Variants in USP20 observed in about 807,000 individuals in gnomAD.
The protein encoded by USP20 is ubiquitin carboxyl-terminal hydrolase 20.
USP20 carries 80 observed loss-of-function variants against 124.2 expected under a neutral mutation model. That is an observed-to-expected ratio of 0.64 (90% CI 0.54 to 0.78). The LOEUF (loss-of-function observed/expected upper bound fraction) is 0.78. USP20 is among the 30% of genes least tolerant of loss of function. The pLI, the probability that USP20 is intolerant of heterozygous loss-of-function variation, is 0.00. For synonymous variants in USP20, 481 were observed against 512.3 expected, an observed-to-expected ratio of 0.94 and a Z score of 0.83; for missense variants, 1,043 against 1,244.4, an observed-to-expected ratio of 0.84 and a Z score of 2.44.
chr9:129,838,545 T>G (rs10481650), intron 1 of USP20, among the ~76,000 whole-genome samples: 151,889 of 152,286 alleles, frequency 1, 75,746 homozygotes, highest in Middle Eastern at 1. Context: ...CAACCCAGTA[T>G]GGCTTTTACA....
intron 5 of USP20, 150 bp from the exon 6 acceptor site, chr9:129,858,317 G>T (rs982050852): frequency 8.1e-7 from 1 of 1,236,080 alleles, no homozygotes; most frequent in Non-Finnish European, 1.2e-6. Flanking sequence ...TCAGGGTCCT[G>T]ACTGGGGGTG....
At chr9:129,843,291 G>A (rs920804151) in intron 1 of USP20, among the ~76,000 whole-genome samples, 7 of 152,072 alleles carry the variant, frequency 4.6e-5, no homozygotes, top group African/African-American at 1.7e-4. Context: ...TTATGTGGGT[G>A]TGATGGTGGA....
chr9:129,861,674 C>T lies in USP20; in HGVS notation c.497+62C>T, dbSNP rs1588266971. 2.0e-6 allele frequency: 3 copies of T among 1,520,622 alleles called. No individual in the cohort carries two copies. In the East Asian group the frequency reaches 6.9e-5, roughly 35 times the overall value. 94.2% of individuals were successfully genotyped at this position (1,520,622 alleles called of 1,614,324 possible). On this transcript the variant is annotated intron_variant, in intron 8 of 25. Transcript: ENST00000372429. Reference sequence around the variant, plus strand: ...CCTGGCAAAGCCCCGGAAACAGCAGCAGTAGCAGCCCCCAGCCGGTTGCCC... The same window carrying T: ...CCTGGCAAAGCCCCGGAAACAGCAGTAGTAGCAGCCCCCAGCCGGTTGCCC...
Position 129,874,773 on chromosome 9 carries a change from C to T in USP20, c.1921+17C>T. On this transcript the variant is annotated intron_variant, in intron 18 of 25. Coordinates refer to ENST00000372429, the MANE Select transcript of USP20 (RefSeq NM_001110303.4). Reference sequence around the variant, plus strand: ...CGGCAGGCAGTGAGTCATGTCCCCTCCCCTGCCGTCCCCATCCGCTAGGAT... The same window carrying T: ...CGGCAGGCAGTGAGTCATGTCCCCTTCCCTGCCGTCCCCATCCGCTAGGAT... 6.2e-7 allele frequency: 1 copy of T among 1,613,720 alleles called. No homozygotes were observed. Among genetic ancestry groups the T allele is most frequent in the Admixed American group, 1.7e-5 (1 of 60,022 alleles).
intron 11 of USP20, 54 bp downstream of exon 11, chr9:129,868,503 A>G: frequency 5.2e-6 from 8 of 1,552,166 alleles, no homozygotes; most frequent in Non-Finnish European, 7.0e-6. Flanking sequence ...CCCAGTACCT[A>G]CCGGGTGCTG....
At chr9:129,877,300 C>T (rs1185755892) in intron 22 of USP20, among the ~76,000 whole-genome samples, 2 of 152,212 alleles carry the variant, frequency 1.3e-5, no homozygotes, top group East Asian at 3.8e-4. Flanking sequence ...AGGTGGATCA[C>T]TTGAGCCCAG....
chr9:129,879,622 C>T lies in USP20; in HGVS notation c.2562C>T (p.Ser854=), dbSNP rs200637302. 38 of 1,613,876 alleles carry T rather than the reference C, an allele frequency of 2.4e-5. No individual in the cohort carries two copies. The East Asian group carries it at 6.9e-4, about 29-fold the overall frequency. ...DNSRIAQVKG[S]GHVQLKQGAD... is the part of the protein sequence containing the mutation. ...GCAGGATTGCACAGGTCAAAGGAAG[C>T]GGCCATGTCCAGCTGAAGCAGGGTG... The change falls in exon 24 of 26, where the codon AGC becomes AGT. Residue 854 remains serine, a synonymous_variant. Transcript: ENST00000372429. The surrounding 1 kb of genome is among the most constrained non-coding windows in gnomAD (Gnocchi z 4.2).
chr9:129,860,316 C>T (rs550474343), intron 6 of USP20, among the ~76,000 whole-genome samples: 17 of 130,380 alleles, frequency 1.3e-4, no homozygotes, highest in South Asian at 5.7e-4. Context: ...GGCAACAGAG[C>T]GAGACTCTGT....
At position 129,880,262 on chromosome 9, in the gene USP20, C is replaced by T. The variant is rs769753156; in HGVS notation, c.2734C>T (p.Arg912Trp). The change falls in exon 25 of 26, where the codon CGG (arginine) becomes TGG (tryptophan). Residue 912 changes from arginine to tryptophan, a missense_variant. Transcript: ENST00000372429. Reference protein sequence around the residue: ...HGEQKIEAETRAV With the variant: ...HGEQKIEAETWAV ...GGAGCAGAAGATCGAAGCCGAGACG[C>T]GGGCCGTGTGATCTGCTGGGCTAGT... 1.1e-5 allele frequency: 17 copies of T among 1,599,366 alleles called. No individual in the cohort carries two copies. Among genetic ancestry groups the T allele is most frequent in the Middle Eastern group, 1.7e-4 (1 of 6,050 alleles).
Position 129,871,248 on chromosome 9 carries a change from T to G in USP20, c.1660+701T>G, listed in dbSNP as rs553056559. Among the ~76,000 whole-genome samples the G allele has an allele frequency of 3.0e-3, 121 of 40,460 alleles. 1 individual carries two copies. The highest frequency in any genetic ancestry group is 5.1e-3 in the South Asian group (4 of 792). The allele number at this position is 40,460 out of a possible 152,430, so 26.5% of individuals were successfully genotyped here. On this transcript the variant is annotated intron_variant, in intron 15 of 25. Coordinates refer to ENST00000372429, the MANE Select transcript of USP20 (RefSeq NM_001110303.4). ...GAATGTGACTACTCTAAAGGCCTCA[T>G]AGAAGTGGAATTATACAGTACTTGC...
chr9:129,847,897 ATTTT>A (rs35466615), intron 1 of USP20, among the ~76,000 whole-genome samples: 3 of 133,818 alleles, frequency 2.2e-5, no homozygotes, highest in African/African-American at 2.8e-5. Flanking sequence ...TTTGTATCTG[ATTTT>A]TTTTTTTTTT....
At chr9:129,856,750 C>A (rs2033237558) in intron 4 of USP20, among the ~76,000 whole-genome samples, 1 of 152,144 alleles carries the variant, frequency 6.6e-6, no homozygotes, top group Non-Finnish European at 1.5e-5. Context: ...CCTTCATTAC[C>A]CATCTATAAG....
At chr9:129,861,481 G>T in intron 7 of USP20, 62 bp from the exon 8 acceptor site, 1 of 1,515,306 alleles carries the variant, frequency 6.6e-7, no homozygotes, top group Non-Finnish European at 9.2e-7. Flanking sequence ...AATGTGACTT[G>T]CAAGGTTTCC....
chr9:129,845,299 A>C (rs2032474740), intron 1 of USP20, among the ~76,000 whole-genome samples: 1 of 152,068 alleles, frequency 6.6e-6, no homozygotes, highest in South Asian at 2.1e-4. Flanking sequence ...TGGTGCCCTC[A>C]GGAGTTTGGG....
chr9:129,860,056 C>T (rs1294157364), intron 6 of USP20, among the ~76,000 whole-genome samples: 4 of 151,746 alleles, frequency 2.6e-5, no homozygotes, highest in Admixed American at 6.6e-5. Flanking sequence ...ATAGCCCAGG[C>T]GCGGTGGCTC....
At chr9:129,869,906 G>T in intron 14 of USP20, 62 bp downstream of exon 14, 1 of 1,584,264 alleles carries the variant, frequency 6.3e-7, no homozygotes, top group Non-Finnish European at 8.6e-7. Flanking sequence ...TTCCTGGGCG[G>T]GAGACAGTAC....
At chr9:129,875,528 C>G (rs759332383) in intron 20 of USP20, 32 bp from the exon 21 acceptor site, 1 of 1,613,452 alleles carries the variant, frequency 6.2e-7, no homozygotes, top group East Asian at 2.2e-5. Context: ...CTGGGCCGAG[C>G]CACAGCTTCG....
chr9:129,845,392 C>T (rs758666634), intron 1 of USP20, among the ~76,000 whole-genome samples: 1 of 152,044 alleles, frequency 6.6e-6, no homozygotes, highest in East Asian at 1.9e-4. Context: ...TAACAGTAAC[C>T]GATTTAGGTA....
At chr9:129,874,547 G>A in intron 17 of USP20, 29 bp from the exon 18 acceptor site, 1 of 1,609,564 alleles carries the variant, frequency 6.2e-7, no homozygotes, top group Non-Finnish European at 8.5e-7. Context: ...TTTCTTCCTA[G>A]ATGACCGGCG....
Sources: gnomAD v4.1 joint callset for allele counts (sites outside exome capture counted in the v4.1 genomes callset) on GRCh38, gnomAD v4.1.1 for gene constraint, Gnocchi (gnomAD v3.1) non-coding constraint, MANE v1.5 for transcripts, NCBI Gene and HGNC (gene_info 2026-07-23, HGNC 2026-07-21) for gene names.